Variants in OSBPL8 observed in about 807,000 individuals in gnomAD.
OSBPL8 encodes oxysterol-binding protein-related protein 8.
In OSBPL8, 59 loss-of-function variants were observed where a neutral mutation model predicts 125.5. The ratio of observed to expected loss-of-function variants is 0.47; its 90% CI spans 0.38 to 0.58. The LOEUF (loss-of-function observed/expected upper bound fraction) is 0.58. Ranked by LOEUF, OSBPL8 falls within the 20% of genes least tolerant of loss-of-function variation. The pLI is 0.00. For missense variants in OSBPL8, 758 were observed against 1,047.8 expected (o/e 0.72, Z 3.82); for synonymous variants, 330 against 338.9 (o/e 0.97, Z 0.29).
chr12:76,520,253 A>G (rs1260795534), intron 1 of OSBPL8, among the ~76,000 whole-genome samples: 1 of 152,174 alleles, frequency 6.6e-6, no homozygotes, highest in Non-Finnish European at 1.5e-5. Flanking sequence ...AGAAAGAAAC[A>G]AGAGAATATG....
In OSBPL8 at chr12:76,369,811, C is replaced by A. The variant is rs142360589; in HGVS notation, c.2066G>T (p.Arg689Leu). 5.5e-4 allele frequency: 893 copies of A among 1,612,218 alleles called. 8 individuals are homozygous for A. In the African/African-American group the frequency reaches 0.011, roughly 19 times the overall value. Residue 689 changes from arginine to leucine, a missense_variant, in exon 20 of 24, where the codon CGG becomes CTG. Coordinates refer to ENST00000261183, the MANE Select transcript of OSBPL8 (RefSeq NM_020841.5). ...GDFESEKLWQRVTRAINAKDQ... is the reference protein window; with the variant it reads ...GDFESEKLWQLVTRAINAKDQ... ...TTTGGCATTTATGGCTCGAGTTACC[C>A]GTTGCCAGAGTCTAATACATGTGCG...
chr12:76,511,669 C>T (rs1365256498), intron 1 of OSBPL8, among the ~76,000 whole-genome samples: 3 of 152,172 alleles, frequency 2.0e-5, no homozygotes, highest in Non-Finnish European at 4.4e-5. Context: ...TCCCATTCTA[C>T]AGGTTGTCTG....
chr12:76,466,369 T>C (rs1660377774), intron 2 of OSBPL8, among the ~76,000 whole-genome samples: 1 of 152,228 alleles, frequency 6.6e-6, no homozygotes, highest in Non-Finnish European at 1.5e-5. Flanking sequence ...TAGTGGGAAG[T>C]ACATTTTAAG....
intron 8 of OSBPL8, among the ~76,000 whole-genome samples, chr12:76,397,228 T>C (rs1238895868): frequency 6.6e-6 from 1 of 151,210 alleles, no homozygotes; most frequent in African/African-American, 2.4e-5. Context: ...GTAAGAAAGA[T>C]TGCTTCTGCT....
intron 4 of OSBPL8, among the ~76,000 whole-genome samples, chr12:76,427,629 A>G (rs1337177328): frequency 1.3e-5 from 2 of 152,088 alleles, no homozygotes; most frequent in African/African-American, 4.8e-5. Context: ...GTATTTTTAA[A>G]ACATTATATA....
intron 1 of OSBPL8, among the ~76,000 whole-genome samples, chr12:76,510,899 T>A (rs868768837): frequency 1.7e-4 from 22 of 130,644 alleles, no homozygotes; most frequent in Admixed American, 1.6e-4. Flanking sequence ...AAAAAAAAAA[T>A]ATATTTACCT....
chr12:76,377,137 GGTGT>G (rs1952851139), intron 16 of OSBPL8, among the ~76,000 whole-genome samples: 1 of 152,136 alleles, frequency 6.6e-6, no homozygotes, highest in Non-Finnish European at 1.5e-5. Flanking sequence ...AGTGTTCCAT[GGTGT>G]GTATGTGCCA....
At chr12:76,432,324 G>A (rs1333367517) in intron 4 of OSBPL8, among the ~76,000 whole-genome samples, 1 of 152,164 alleles carries the variant, frequency 6.6e-6, no homozygotes, top group African/African-American at 2.4e-5. Flanking sequence ...AGTGGCTTAT[G>A]ACTATAATCC....
chr12:76,550,713 C>G (rs1950911900), intron 1 of OSBPL8, among the ~76,000 whole-genome samples: 1 of 152,106 alleles, frequency 6.6e-6, no homozygotes, highest in Non-Finnish European at 1.5e-5. Flanking sequence ...TTAGTCTAGC[C>G]AATAAAAAGT....
At chr12:76,545,049 A>G (rs1241345247) in intron 1 of OSBPL8, among the ~76,000 whole-genome samples, 2 of 152,160 alleles carry the variant, frequency 1.3e-5, no homozygotes, top group African/African-American at 2.4e-5. Context: ...GTTACTTACT[A>G]GGAAAGATAA....
intron 4 of OSBPL8, among the ~76,000 whole-genome samples, chr12:76,444,901 CCATCT>C (rs1872577544): frequency 6.6e-6 from 1 of 152,072 alleles, no homozygotes; most frequent in Non-Finnish European, 1.5e-5. Context: ...ATAAATGTAG[CCATCT>C]CATTAGTTTT....
chr12:76,478,229 T>C (rs1054407545), intron 2 of OSBPL8, among the ~76,000 whole-genome samples: 8 of 151,888 alleles, frequency 5.3e-5, no homozygotes, highest in African/African-American at 1.9e-4. Context: ...AAACACACCC[T>C]CCGGTAGCCA....
At chr12:76,357,716 G>A (rs370468266) in intron 22 of OSBPL8, among the ~76,000 whole-genome samples, 38 of 152,256 alleles carry the variant, frequency 2.5e-4, no homozygotes, top group Middle Eastern at 3.4e-3. Flanking sequence ...ACTGAATTGA[G>A]CTCCCTCTCC....
intron 4 of OSBPL8, among the ~76,000 whole-genome samples, chr12:76,420,338 T>C (rs1478685369): frequency 6.6e-6 from 1 of 152,098 alleles, no homozygotes; most frequent in Non-Finnish European, 1.5e-5. Context: ...TCAAAGTTTA[T>C]TTACTCCAAT....
chr12:76,543,105 T>G (rs756632837), intron 1 of OSBPL8, among the ~76,000 whole-genome samples: 1 of 151,980 alleles, frequency 6.6e-6, no homozygotes, highest in Non-Finnish European at 1.5e-5. Context: ...ATTAGGAGTT[T>G]ACTGTCGATC....
chr12:76,439,595 AAGGCTTGGT>A (rs1323141818), intron 4 of OSBPL8, among the ~76,000 whole-genome samples: 1 of 151,860 alleles, frequency 6.6e-6, no homozygotes, highest in Non-Finnish European at 1.5e-5. Flanking sequence ...TTTTTCCCTA[AAGGCTTGGT>A]AGGATTTGTT....
chr12:76,433,974 CAAAAAAAAAAAA>C (rs34241447), intron 4 of OSBPL8, among the ~76,000 whole-genome samples: 5 of 82,142 alleles, frequency 6.1e-5, no homozygotes, highest in African/African-American at 2.6e-4. Flanking sequence ...GACTCCATCT[CAAAAAAAAAAAA>C]AAAAAAAAAA....
chr12:76,527,523 T>C (rs1431096574), intron 1 of OSBPL8, among the ~76,000 whole-genome samples: 1 of 152,218 alleles, frequency 6.6e-6, no homozygotes, highest in Non-Finnish European at 1.5e-5. Flanking sequence ...TAGAATTACA[T>C]ATCTTCCTTG....
At chr12:76,356,161 G>T in intron 23 of OSBPL8, 140 bp from the exon 24 acceptor site, 1 of 530,430 alleles carries the variant, frequency 1.9e-6, no homozygotes, top group Non-Finnish European at 3.3e-6. Flanking sequence ...GTATGTAGGG[G>T]TGGGGGGGGG....
Sources: allele counts gnomAD v4.1 joint callset (sites outside exome capture counted in the v4.1 genomes callset), GRCh38; gene constraint gnomAD v4.1.1; transcripts MANE v1.5; gene names NCBI Gene and HGNC (gene_info 2026-07-23, HGNC 2026-07-21).